SPON1: variants seen among roughly 807,000 people sequenced by gnomAD.
The protein encoded by SPON1 is spondin 1.
A neutral mutation model predicts 111.7 loss-of-function variants in SPON1; 52 were observed. The ratio of observed to expected loss-of-function variants is 0.47; its 90% confidence interval spans 0.37 to 0.59. The LOEUF (loss-of-function observed/expected upper bound fraction) is 0.59. Among genes scored for constraint, SPON1 ranks in the 20% least tolerant of loss-of-function variants. The pLI is 0.00. For missense variants in SPON1, 957 were observed against 1,068.5 expected (o/e 0.90, Z 1.46); for synonymous variants, 410 against 395.8 (o/e 1.04, Z -0.43).
intron 2 of SPON1, among the ~76,000 whole-genome samples, chr11:14,020,336 G>C (rs1460805683): frequency 1.3e-5 from 2 of 152,224 alleles, no homozygotes; most frequent in Non-Finnish European, 1.5e-5. Flanking sequence ...ATCTGGCAGA[G>C]CTTTGAGCAG....
At chr11:14,100,277 CTTG>C (rs1295986376) in intron 5 of SPON1, among the ~76,000 whole-genome samples, 2 of 151,950 alleles carry the variant, frequency 1.3e-5, no homozygotes, top group Non-Finnish European at 2.9e-5. Flanking sequence ...CCCTCTGGGC[CTTG>C]TTGTTTGTTC....
intron 6 of SPON1, among the ~76,000 whole-genome samples, chr11:14,159,832 C>T (rs1334536677): frequency 8.1e-6 from 1 of 123,644 alleles, no homozygotes; most frequent in Non-Finnish European, 1.6e-5. Context: ...ATCTAAAAAT[C>T]AAAACAATTG....
At chr11:14,214,441 G>A (rs1848606472) in intron 6 of SPON1, among the ~76,000 whole-genome samples, 1 of 152,186 alleles carries the variant, frequency 6.6e-6, no homozygotes, top group Admixed American at 6.5e-5. Flanking sequence ...CTGCTAGCAT[G>A]GGGTTCAGAG....
chr11:14,019,898 C>A (rs1165669597), intron 2 of SPON1, among the ~76,000 whole-genome samples: 1 of 152,168 alleles, frequency 6.6e-6, no homozygotes, highest in Non-Finnish European at 1.5e-5. Flanking sequence ...AGGCCACTAC[C>A]CCTTTTGTCA....
intron 2 of SPON1, among the ~76,000 whole-genome samples, chr11:14,026,397 A>G (rs1344516082): frequency 1.3e-5 from 2 of 152,262 alleles, no homozygotes; most frequent in African/African-American, 4.8e-5. Flanking sequence ...AAGGAAGTTC[A>G]TGGATGTGTA....
At chr11:14,237,257 A>G (rs185875733) in intron 6 of SPON1, among the ~76,000 whole-genome samples, 23 of 152,304 alleles carry the variant, frequency 1.5e-4, no homozygotes, top group African/African-American at 4.8e-4. Flanking sequence ...AAAGCAAATA[A>G]TGGGGCCAAA....
At chr11:14,123,287 G>T (rs1459018763) in intron 5 of SPON1, among the ~76,000 whole-genome samples, 3 of 152,104 alleles carry the variant, frequency 2.0e-5, no homozygotes, top group Non-Finnish European at 4.4e-5. Context: ...ATTGTTGAGT[G>T]TCTGGATTTT....
chr11:14,117,885 G>A lies in SPON1; in HGVS notation c.677-17535G>A, dbSNP rs571291412. Among the ~76,000 whole-genome samples the A allele has an allele frequency of 2.0e-5, 3 of 152,280 alleles. No individual in the cohort carries two copies. In the South Asian group the frequency reaches 6.2e-4, roughly 32 times the overall value. On this transcript the variant is annotated intron_variant, in intron 5 of 15. Coordinates refer to ENST00000576479, the MANE Select transcript of SPON1 (RefSeq NM_006108.4). ...CACATTATAGATCCTCCCTGAGCCTGTTTCCTTATCAATGAAATAGCATTG... is the reference window on the plus strand; with the variant it reads ...CACATTATAGATCCTCCCTGAGCCTATTTCCTTATCAATGAAATAGCATTG...
chr11:14,189,474 G>A (rs571000917), intron 6 of SPON1, among the ~76,000 whole-genome samples: 10 of 152,122 alleles, frequency 6.6e-5, no homozygotes, highest in East Asian at 5.8e-4. Context: ...AAGCCCCCTC[G>A]GAGGCAAATC....
At chr11:14,221,648 C>T (rs782078426) in intron 6 of SPON1, among the ~76,000 whole-genome samples, 18 of 152,300 alleles carry the variant, frequency 1.2e-4, no homozygotes, top group Non-Finnish European at 1.9e-4. Flanking sequence ...ATATGTCCTC[C>T]AAATCTCTTC....
intron 7 of SPON1, among the ~76,000 whole-genome samples, chr11:14,249,818 T>C (rs7928209): frequency 0.084 from 12,857 of 152,236 alleles, 730 homozygotes; most frequent in African/African-American, 0.15. Flanking sequence ...TAAGCAGTTT[T>C]CTCACAATAA....
chr11:14,039,630 A>G (rs1025363658), intron 2 of SPON1, among the ~76,000 whole-genome samples: 1 of 152,214 alleles, frequency 6.6e-6, no homozygotes, highest in African/African-American at 2.4e-5. Flanking sequence ...AGGGAAAATT[A>G]TAAAGCTAAT....
At chr11:14,197,488 AAAATAAATAAAT>A (rs10642040) in intron 6 of SPON1, among the ~76,000 whole-genome samples, 228 of 145,050 alleles carry the variant, frequency 1.6e-3, no homozygotes, top group Non-Finnish European at 2.7e-3. Context: ...GTCCTCTTTA[AAAATAAATAAAT>A]AAATAAATAA....
chr11:14,141,118 C>T (rs1415798137), intron 6 of SPON1, among the ~76,000 whole-genome samples: 2 of 151,256 alleles, frequency 1.3e-5, no homozygotes, highest in Non-Finnish European at 2.9e-5. Flanking sequence ...GGCCTGTATC[C>T]CAGTCCAGGG....
intron 6 of SPON1, among the ~76,000 whole-genome samples, chr11:14,176,482 A>G (rs979512554): frequency 6.6e-6 from 1 of 152,052 alleles, no homozygotes; most frequent in East Asian, 1.9e-4. Context: ...AGAGCTACAA[A>G]GAGACACCCC....
chr11:14,194,579 G>A (rs1034002147), intron 6 of SPON1, among the ~76,000 whole-genome samples: 4 of 149,630 alleles, frequency 2.7e-5, no homozygotes, highest in African/African-American at 4.9e-5. Flanking sequence ...GACTGCCTGC[G>A]TGGCTGGTAC....
chr11:14,084,418 G>A (rs1848989339), intron 5 of SPON1, among the ~76,000 whole-genome samples: 1 of 152,096 alleles, frequency 6.6e-6, no homozygotes, highest in Non-Finnish European at 1.5e-5. Flanking sequence ...CTGTTCCTGT[G>A]TTAGTTTGTT....
At chr11:14,094,107 G>C (rs1309058719) in intron 5 of SPON1, among the ~76,000 whole-genome samples, 1 of 151,770 alleles carries the variant, frequency 6.6e-6, no homozygotes, top group East Asian at 1.9e-4. Flanking sequence ...AACTACTCAG[G>C]AGGCTGAGGC....
At chr11:14,188,702 G>A (rs1024009010) in intron 6 of SPON1, among the ~76,000 whole-genome samples, 1 of 152,038 alleles carries the variant, frequency 6.6e-6, no homozygotes, top group South Asian at 2.1e-4. Flanking sequence ...AGTCAGGCCC[G>A]CTTTCTAGTA....
Sources: gnomAD v4.1 joint callset for allele counts (sites outside exome capture counted in the v4.1 genomes callset) on GRCh38, gnomAD v4.1.1 for gene constraint, MANE v1.5 for transcripts, NCBI Gene and HGNC (gene_info 2026-07-23, HGNC 2026-07-21) for gene names.